Variants in CENPI observed in about 807,000 individuals in gnomAD.
CENPI encodes the protein centromere protein I.
CENPI carries 4 observed loss-of-function variants against 60.4 expected under a neutral mutation model. That is an observed-to-expected ratio of 0.07 (90% CI 0.03 to 0.15). CENPI has a LOEUF of 0.15. Ranked by LOEUF, CENPI falls within the 10% of genes least tolerant of loss-of-function variation. CENPI has a pLI of 1.00. For synonymous variants in CENPI, 157 were observed against 189.4 expected (o/e 0.83, Z 1.40); for missense variants, 444 against 534.5 (o/e 0.83, Z 1.67).
intron 4 of CENPI, among the ~76,000 whole-genome samples, chrX:101,104,877 A>G (rs1266069634): frequency 1.8e-5 from 2 of 110,040 alleles, no homozygotes; most frequent in Admixed American, 2.0e-4. Flanking sequence ...AGAAAAATTA[A>G]GACAGCTCTC....
At chrX:101,113,014 A>G (rs1444672468) in intron 6 of CENPI, among the ~76,000 whole-genome samples, 1 of 104,643 alleles carries the variant, frequency 9.6e-6, no homozygotes, top group African/African-American at 3.5e-5. Context: ...GATTGACCGT[A>G]GTTTCTTTCC....
At chrX:101,173,314 CTTTTTT>C in the CENPI span, among the ~76,000 whole-genome samples, 12 of 50,486 alleles carry the variant, frequency 2.4e-4, no homozygotes, top group Admixed American at 9.3e-4. Context: ...TGCCTGGCCT[CTTTTTT>C]TTTTTTTTTT....
At chrX:101,181,469 C>T in the CENPI span, among the ~76,000 whole-genome samples, 1 of 112,291 alleles carries the variant, frequency 8.9e-6, no homozygotes, top group Admixed American at 9.4e-5. Context: ...ATTTAGAAAA[C>T]AACAACGTTT....
rs1412297187 is a variant in CENPI, at chrX:101,140,639, A to G, written c.1471-27A>G. ...CTGTTATGTCTGAATGATTTCATGAAATCTTTTTTCATTTTGTCCCCCTCA... is the reference window on the plus strand; with the variant it reads ...CTGTTATGTCTGAATGATTTCATGAGATCTTTTTTCATTTTGTCCCCCTCA... On this transcript the variant is annotated intron_variant, in intron 15 of 21. Coordinates refer to ENST00000682095, the MANE Select transcript of CENPI (RefSeq NM_001386188.2). The G allele has an allele frequency of 7.7e-6, 8 of 1,032,572 alleles. No individual in the cohort carries two copies. The African/African-American group carries it at 1.5e-4, about 19-fold the overall frequency. The allele number at this position is 1,032,572 out of a possible 1,213,427, so 85.1% of individuals were successfully genotyped here. A position where few individuals can be genotyped will look rare whatever the true frequency, so the allele number is the denominator to read the frequency against.
chrX:101,115,752 A>T (rs1426390493), intron 6 of CENPI, among the ~76,000 whole-genome samples: 1 of 112,071 alleles, frequency 8.9e-6, no homozygotes, highest in East Asian at 2.8e-4. Context: ...CTATCTATTT[A>T]CAAAACTTTT....
chrX:101,109,359 G>A lies in CENPI; in HGVS notation c.365-114G>A, dbSNP rs759990221. The A allele has an allele frequency of 4.9e-4, 282 of 571,001 alleles. No individual in the cohort carries two copies. The African/African-American group carries it at 5.8e-3, about 12-fold the overall frequency. 47.1% of individuals were successfully genotyped at this position (571,001 alleles called of 1,213,427 possible). On this transcript the variant is annotated intron_variant, in intron 4 of 21. Coordinates refer to ENST00000682095, the MANE Select transcript of CENPI (RefSeq NM_001386188.2). Reference sequence around the variant, plus strand: ...GCCTCCCAAAGTGCTGGGATTACAGGCATGAGCTGCCGCGCCCAGCCTAAT... The same window carrying A: ...GCCTCCCAAAGTGCTGGGATTACAGACATGAGCTGCCGCGCCCAGCCTAAT...
At chrX:101,168,809 G>A (rs920431882), downstream of CENPI, among the ~76,000 whole-genome samples, 1 of 111,786 alleles carries the variant, frequency 8.9e-6, no homozygotes. Flanking sequence ...AAACAACAGC[G>A]ACAAATCCTG....
At chrX:101,134,059 C>T (rs1482354567) in intron 15 of CENPI, among the ~76,000 whole-genome samples, 1 of 111,612 alleles carries the variant, frequency 9.0e-6, no homozygotes, top group Non-Finnish European at 1.9e-5. Flanking sequence ...TTTGTTTTGC[C>T]TCTAAAATGA....
rs759673877 is a variant in CENPI, at chrX:101,103,156, G to T, written c.364+745G>T. ...TTACAGGTGCCTGCCACCACGCCCG[G>T]CTAATGTTTTTGTATTTTTAGTAGA... On this transcript the variant is annotated intron_variant, in intron 4 of 21. Transcript: ENST00000682095. Among the ~76,000 whole-genome samples, 7 of 105,288 alleles carry T rather than the reference G, an allele frequency of 6.6e-5. No homozygotes were observed. In the East Asian group the frequency reaches 1.5e-3, roughly 23 times the overall value. 91.4% of individuals were successfully genotyped at this position (105,288 alleles called of 115,157 possible). A position where few individuals can be genotyped will look rare whatever the true frequency, so the allele number is the denominator to read the frequency against.
At chrX:101,132,026 T>C (rs1411929088) in intron 13 of CENPI, among the ~76,000 whole-genome samples, 164 bp from the exon 14 acceptor site, 1 of 112,087 alleles carries the variant, frequency 8.9e-6, no homozygotes, top group Non-Finnish European at 1.9e-5. Flanking sequence ...TCTCATCCTT[T>C]TTCTGAGGAA....
At chrX:101,111,761 C>T (rs149228848) in intron 6 of CENPI, among the ~76,000 whole-genome samples, 1,376 of 111,568 alleles carry the variant, frequency 0.012, 7 homozygotes, top group Non-Finnish European at 0.02. Flanking sequence ...TGGCCAAGCG[C>T]GGTGGCTCAC....
intron 15 of CENPI, among the ~76,000 whole-genome samples, chrX:101,135,860 A>G (rs764816917): frequency 9.0e-6 from 1 of 111,169 alleles, no homozygotes; most frequent in Non-Finnish European, 1.9e-5. Context: ...AGCTGGGATA[A>G]CAGGCGCCCA....
chrX:101,145,856 G>A (rs1411025233), intron 17 of CENPI, among the ~76,000 whole-genome samples: 1 of 109,474 alleles, frequency 9.1e-6, no homozygotes, highest in African/African-American at 3.3e-5. Flanking sequence ...AAATATTATG[G>A]GACTTAAGGA....
Position 101,120,723 on chromosome X carries a change from C to T in CENPI, c.641-15C>T. On this transcript the variant is annotated splice_polypyrimidine_tract_variant and intron_variant, in intron 7 of 21. Coordinates refer to ENST00000682095, the MANE Select transcript of CENPI (RefSeq NM_001386188.2). ...AATCCAAATGCATAGTACGTCTTTCCTTTATGTTTTCTAGTCAAACCATTT... is the reference window on the plus strand; with the variant it reads ...AATCCAAATGCATAGTACGTCTTTCTTTTATGTTTTCTAGTCAAACCATTT... The T allele has an allele frequency of 1.7e-6, 2 of 1,203,612 alleles. No homozygotes were observed. Among genetic ancestry groups the T allele is most frequent in the East Asian group, 3.0e-5 (1 of 33,740 alleles).
the CENPI span, among the ~76,000 whole-genome samples, chrX:101,178,287 C>T: frequency 0.49 from 53,124 of 108,926 alleles, 9,822 homozygotes; most frequent in African/African-American, 0.6. Flanking sequence ...GTTTGAAATA[C>T]GATTATCTAC....
intron 20 of CENPI, among the ~76,000 whole-genome samples, chrX:101,155,257 T>A (rs1159935619): frequency 9.0e-6 from 1 of 111,436 alleles, no homozygotes; most frequent in Admixed American, 9.6e-5. Flanking sequence ...TAGTGCAGTC[T>A]TGGCTCACTG....
chrX:101,167,415 C>T (rs945344146), downstream of CENPI, among the ~76,000 whole-genome samples: 2 of 111,938 alleles, frequency 1.8e-5, no homozygotes, highest in Non-Finnish European at 3.8e-5. Context: ...TTGTATGCAA[C>T]TTACTGTTAC....
intron 6 of CENPI, among the ~76,000 whole-genome samples, chrX:101,118,362 TCTCTCTCTTAC>T (rs1257899905): frequency 8.9e-6 from 1 of 112,294 alleles, no homozygotes; most frequent in Non-Finnish European, 1.9e-5. Context: ...TATGTCATTG[TCTCTCTCTTAC>T]CTTTGACATC....
At chrX:101,105,339 A>G (rs764982881) in intron 4 of CENPI, among the ~76,000 whole-genome samples, 11 of 110,784 alleles carry the variant, frequency 9.9e-5, no homozygotes, top group African/African-American at 2.6e-4. Flanking sequence ...CCTGGCTAAC[A>G]TGGTGAAACC....
Sources: gnomAD v4.1 joint callset for allele counts (sites outside exome capture counted in the v4.1 genomes callset) on GRCh38, gnomAD v4.1.1 for gene constraint, MANE v1.5 for transcripts, NCBI Gene and HGNC (gene_info 2026-07-23, HGNC 2026-07-21) for gene names.